The following ACSM2A variants were observed in gnomAD, a reference collection of about 807,000 sequenced individuals.
The protein encoded by ACSM2A is acyl-CoA synthetase medium chain family member 2A.
ACSM2A carries 72 observed loss-of-function variants against 76.6 expected under a neutral mutation model. The ratio of observed to expected loss-of-function variants is 0.94; its 90% CI spans 0.78 to 1.14. The LOEUF (loss-of-function observed/expected upper bound fraction) is 1.14, where lower values mean the gene tolerates loss of function less well. Ranked by LOEUF, ACSM2A falls within the 50% of genes most tolerant of loss-of-function variation. ACSM2A has a pLI of 0.00. For synonymous variants in ACSM2A, 249 were observed against 255.9 expected, an observed-to-expected ratio of 0.97 and a Z score of 0.26; for missense variants, 684 against 708.5, an observed-to-expected ratio of 0.97 and a Z score of 0.39.
intron 3 of ACSM2A, among the ~76,000 whole-genome samples, chr16:20,466,323 G>T (rs1185305879): frequency 6.6e-6 from 1 of 152,118 alleles, no homozygotes; most frequent in Non-Finnish European, 1.5e-5. Flanking sequence ...AGTGATATTT[G>T]AGCTGAGATC....
chr16:20,473,258 C>G (rs1419721286), intron 6 of ACSM2A, among the ~76,000 whole-genome samples: 1 of 152,122 alleles, frequency 6.6e-6, no homozygotes, highest in Non-Finnish European at 1.5e-5. Flanking sequence ...ATAATACTGT[C>G]ATTCTCTGTT....
At chr16:20,461,150 C>A (rs2012599311) in intron 2 of ACSM2A, among the ~76,000 whole-genome samples, 3 of 143,728 alleles carry the variant, frequency 2.1e-5, no homozygotes, top group Non-Finnish European at 3.0e-5. Flanking sequence ...GTGGAGCTAC[C>A]AGCGTGAACT....
At chr16:20,479,291 C>A (rs1060634) in intron 10 of ACSM2A, among the ~76,000 whole-genome samples, 1 of 151,972 alleles carries the variant, frequency 6.6e-6, no homozygotes, top group African/African-American at 2.4e-5. Flanking sequence ...ACTAAATAAA[C>A]AATAAATCAA....
At chr16:20,476,060 G>A (rs2013721807) in intron 8 of ACSM2A, 2 of 1,066,102 alleles carry the variant, frequency 1.9e-6, no homozygotes, top group Non-Finnish European at 2.4e-6. Context: ...AAAAAGTAAA[G>A]TAGATGACAT....
intron 4 of ACSM2A, among the ~76,000 whole-genome samples, chr16:20,469,942 C>G (rs947816383): frequency 2.3e-5 from 3 of 131,076 alleles, no homozygotes; most frequent in African/African-American, 5.7e-5. Flanking sequence ...CCTGGACCTT[C>G]TGAGCAGCAT....
In ACSM2A at chr16:20,482,879, C is replaced by G. The variant is rs539733799; in HGVS notation, c.1510-179C>G. 7.1e-5 allele frequency: 69 copies of G among 968,564 alleles called. No individual in the cohort carries two copies. The African/African-American group carries it at 8.7e-4, about 12-fold the overall frequency. The allele number at this position is 968,564 out of a possible 1,614,324, so 60.0% of individuals were successfully genotyped here. ...CACCTGCTCCTCCAATAAATGACTT[C>G]AGAGAGAGCTGTAACCTCATTCATG... On this transcript the variant is annotated intron_variant, in intron 12 of 13. Coordinates refer to ENST00000573854, the MANE Select transcript of ACSM2A (RefSeq NM_001308172.2).
intron 2 of ACSM2A, among the ~76,000 whole-genome samples, 178 bp from the exon 3 acceptor site, chr16:20,465,339 C>T (rs1241692606): frequency 2.0e-5 from 3 of 152,222 alleles, no homozygotes; most frequent in East Asian, 3.9e-4. Context: ...TAGATATTGA[C>T]AGATATAACT....
Position 20,480,846 on chromosome 16 carries a change from A to G in ACSM2A, c.1434A>G (p.Val478=). The G allele has an allele frequency of 6.2e-7, 1 of 1,613,960 alleles. No homozygotes were observed. The highest frequency in any genetic ancestry group is 8.5e-7 in the Non-Finnish European group (1 of 1,179,862). ...GGTACCGGATTGGACCCTCGGAGGT[A>G]GAGAATGCACTGATGGAGCACCCTG... is the stretch of plus-strand genomic sequence containing the variant. ...SSGYRIGPSE[V]ENALMEHPAV... Residue 478 remains valine (V), a synonymous_variant, in exon 12 of 14, where the codon GTA becomes GTG. Transcript: ENST00000573854.
chr16:20,455,094 G>C (rs1373187387), intron 1 of ACSM2A, among the ~76,000 whole-genome samples: 5 of 124,370 alleles, frequency 4.0e-5, no homozygotes, highest in Admixed American at 2.3e-4. Flanking sequence ...ATCCAACAAA[G>C]ACAAAGAAAA....
intron 8 of ACSM2A, 69 bp from the exon 9 acceptor site, chr16:20,477,300 A>C (rs2013802494): frequency 6.4e-7 from 1 of 1,569,336 alleles, no homozygotes. Context: ...GCTCTGCAGA[A>C]ATTTTTTCTT....
intron 2 of ACSM2A, among the ~76,000 whole-genome samples, chr16:20,464,914 CA>C (rs1718241496): frequency 1.3e-5 from 2 of 151,742 alleles, no homozygotes; most frequent in South Asian, 4.2e-4. Context: ...ACTGTACACT[CA>C]AAAATAGTTA....
intron 4 of ACSM2A, 47 bp downstream of exon 4, chr16:20,469,766 C>A (rs1342274881): frequency 6.2e-7 from 1 of 1,607,920 alleles, no homozygotes; most frequent in African/African-American, 1.3e-5. Context: ...AAACTGGAAA[C>A]AGAGCCAAGC....
intron 9 of ACSM2A, 130 bp downstream of exon 9, chr16:20,477,579 G>T: frequency 6.9e-7 from 1 of 1,442,002 alleles, no homozygotes; most frequent in Non-Finnish European, 9.2e-7. Flanking sequence ...AGAAAAAAAG[G>T]AGGTAGGGAG....
chr16:20,475,678 G>T lies in ACSM2A; in HGVS notation c.1003G>T (p.Val335Phe). ...CAAGTTCCCCCATCTACAGAACTGC[G>T]TCACTGTAGGGGAGTCCCTTCTTCC... is the stretch of plus-strand genomic sequence containing the variant. ...SYKFPHLQNC[V>F]TVGESLLPET... Residue 335 changes from valine to phenylalanine, a missense_variant, in exon 8 of 14, where the codon GTC becomes TTC. By Grantham distance (50) the Val-to-Phe change is conservative (BLOSUM62 -1). Transcript: ENST00000573854. 1 of 1,613,942 alleles carries T rather than the reference G, an allele frequency of 6.2e-7. No homozygotes were observed. Among genetic ancestry groups the T allele is most frequent in the Non-Finnish European group, 8.5e-7 (1 of 1,179,906 alleles).
Position 20,465,836 on chromosome 16 carries a change from G to C in ACSM2A, c.388+109G>C, listed in dbSNP as rs539882114. ...AGAAGTCTCCTCCTTGGAGCATGCT[G>C]TCCTGTATCATATGAAGAAAGACAT... On this transcript the variant is annotated intron_variant, in intron 3 of 13. Coordinates refer to ENST00000573854, the MANE Select transcript of ACSM2A (RefSeq NM_001308172.2). 8 of 1,462,834 alleles carry C rather than the reference G, an allele frequency of 5.5e-6. No homozygotes were observed. In the African/African-American group the frequency reaches 1.0e-4, roughly 18 times the overall value. 90.6% of individuals were successfully genotyped at this position (1,462,834 alleles called of 1,614,324 possible).
At chr16:20,483,569 C>CAAAAAAAAAAAAAAAAAAAAAAAAA in intron 13 of ACSM2A, among the ~76,000 whole-genome samples, 1 of 32,208 alleles carries the variant, frequency 3.1e-5, no homozygotes, top group Non-Finnish European at 6.0e-5. Context: ...GACTCTGTCT[C>CAAAAAAAAAAAAAAAAAAAAAAAAA]AAAAAAAAAA....
intron 6 of ACSM2A, among the ~76,000 whole-genome samples, chr16:20,473,788 C>T (rs187651223): frequency 8.5e-5 from 13 of 152,102 alleles, no homozygotes; most frequent in Middle Eastern, 6.8e-3. Context: ...CTCATTATAC[C>T]TCTCTGGTAT....
intron 2 of ACSM2A, 88 bp from the exon 3 acceptor site, chr16:20,465,429 C>A: frequency 1.3e-6 from 2 of 1,523,340 alleles, no homozygotes; most frequent in East Asian, 2.4e-5. Flanking sequence ...CCTTACTAAG[C>A]ACCAACTTGG....
chr16:20,475,329 T>A (rs773333547), intron 6 of ACSM2A, 33 bp from the exon 7 acceptor site: 2 of 1,613,482 alleles, frequency 1.2e-6, no homozygotes, highest in Non-Finnish European at 1.7e-6. Flanking sequence ...TTTGACCTGG[T>A]GACCAATGTC....
Sources: gnomAD v4.1 joint callset for allele counts (sites outside exome capture counted in the v4.1 genomes callset) on GRCh38, gnomAD v4.1.1 for gene constraint, MANE v1.5 for transcripts, NCBI Gene and HGNC (gene_info 2026-07-23, HGNC 2026-07-21) for gene names.